ANK3: variants seen among roughly 807,000 people sequenced by gnomAD.
ANK3 encodes the protein ankyrin-3.
ANK3 carries 57 observed loss-of-function variants against 370.9 expected under a neutral mutation model. That is an observed-to-expected ratio of 0.15 (90% confidence interval 0.12 to 0.19). The LOEUF is 0.19. ANK3 is among the 10% of genes least tolerant of loss of function. ANK3 has a pLI of 1.00. For synonymous variants in ANK3, 1,929 were observed against 1,946.3 expected (o/e 0.99, Z 0.23); for missense variants, 4,439 against 5,302.1 (o/e 0.84, Z 5.06).
chr10:60,090,324 A>AG (rs2087938952), intron 28 of ANK3, among the ~76,000 whole-genome samples: 1 of 152,182 alleles, frequency 6.6e-6, no homozygotes, highest in African/African-American at 2.4e-5. Context: ...TTCCAAAAAA[A>AG]AAATTAAAAT....
chr10:60,442,614 A>G (rs1427585497), intron 2 of ANK3, among the ~76,000 whole-genome samples: 1 of 152,228 alleles, frequency 6.6e-6, no homozygotes, highest in Non-Finnish European at 1.5e-5. Flanking sequence ...TACAAAAGGC[A>G]GACTGTACTT....
Position 60,431,381 on chromosome 10 carries a change from C to T in ANK3, c.97-151742G>A, listed in dbSNP as rs111713984. On this transcript the variant is annotated intron_variant, in intron 2 of 43. Transcript: ENST00000373827. Reference sequence around the variant, plus strand: ...ATGCCGCTGCTGATCTGACAGGAGGCGGAGCTCAGGTGGTAATGTTAGCCA... The same window carrying T: ...ATGCCGCTGCTGATCTGACAGGAGGTGGAGCTCAGGTGGTAATGTTAGCCA... 6.1e-3 allele frequency among the ~76,000 whole-genome samples: 929 copies of T among 152,152 alleles called. 13 individuals are homozygous for T. The highest frequency in any genetic ancestry group is 0.02 in the African/African-American group (844 of 41,488).
intron 38 of ANK3, among the ~76,000 whole-genome samples, chr10:60,065,419 A>G (rs145789268): frequency 6.6e-6 from 1 of 152,332 alleles, no homozygotes; most frequent in East Asian, 1.9e-4. Context: ...ATCCCATGGA[A>G]AAGGAATTGG....
At chr10:60,478,114 G>A (rs918436763) in intron 2 of ANK3, among the ~76,000 whole-genome samples, 1 of 152,058 alleles carries the variant, frequency 6.6e-6, no homozygotes, top group South Asian at 2.1e-4. Context: ...TCAAAGAGAT[G>A]AATTTCTTTC....
At position 60,203,210 on chromosome 10, in the gene ANK3, G is replaced by A. The variant is rs560067989; in HGVS notation, c.1294-110C>T. The A allele has an allele frequency of 2.1e-4, 134 of 650,708 alleles. 1 individual carries two copies. The highest frequency in any genetic ancestry group is 2.0e-3 in the African/African-American group (111 of 55,112). 40.3% of individuals were successfully genotyped at this position (650,708 alleles called of 1,614,324 possible). On this transcript the variant is annotated intron_variant, in intron 11 of 43. Transcript: ENST00000280772. ...ACCCATCTAAATCAGTTTAATGATC[G>A]GATTAGAAGACATCAGGACATTCAC...
chr10:60,204,553 A>T (rs1489929076), intron 11 of ANK3, among the ~76,000 whole-genome samples: 1 of 152,242 alleles, frequency 6.6e-6, no homozygotes, highest in Non-Finnish European at 1.5e-5. Flanking sequence ...CAAATATTCC[A>T]TTTGCAGGCA....
At chr10:60,532,274 G>A (rs1938541) in intron 2 of ANK3, among the ~76,000 whole-genome samples, 88,488 of 151,872 alleles carry the variant, frequency 0.58, 26,236 homozygotes, top group East Asian at 0.79. Context: ...TTGTGCAGCC[G>A]ACCAAATTTT....
chr10:60,427,895 GAGA>G (rs1483157744), intron 2 of ANK3, among the ~76,000 whole-genome samples: 1 of 152,126 alleles, frequency 6.6e-6, no homozygotes, highest in African/African-American at 2.4e-5. Context: ...TCAAGTATCT[GAGA>G]AGGACACATT....
intron 2 of ANK3, among the ~76,000 whole-genome samples, chr10:60,481,926 A>G (rs887115455): frequency 6.6e-6 from 1 of 151,888 alleles, no homozygotes; most frequent in African/African-American, 2.4e-5. Flanking sequence ...TACAGTACAC[A>G]CTCCCTGAGC....
chr10:60,633,880 G>A (rs1458633847), intron 1 of ANK3, among the ~76,000 whole-genome samples: 1 of 152,110 alleles, frequency 6.6e-6, no homozygotes, highest in African/African-American at 2.4e-5. Flanking sequence ...ATCTGCTGTT[G>A]TTTTTGCCTA....
chr10:60,673,405 C>A (rs993264998), intron 1 of ANK3, among the ~76,000 whole-genome samples: 31 of 151,970 alleles, frequency 2.0e-4, no homozygotes, highest in African/African-American at 7.3e-4. Context: ...GGTTGGAGTG[C>A]AATGGTGCAA....
chr10:60,058,240 C>T (rs1353022717), intron 41 of ANK3, among the ~76,000 whole-genome samples: 1 of 152,150 alleles, frequency 6.6e-6, no homozygotes, highest in African/African-American at 2.4e-5. Flanking sequence ...CTTAGAGATT[C>T]ATCCCAAATC....
chr10:60,331,578 A>C (rs1010859407), intron 1 of ANK3, among the ~76,000 whole-genome samples: 1 of 151,860 alleles, frequency 6.6e-6, no homozygotes, highest in Admixed American at 6.6e-5. Context: ...AATTAAAAAA[A>C]AAAAAAAAAC....
At chr10:60,708,545 A>AG (rs1354330914) in intron 1 of ANK3, among the ~76,000 whole-genome samples, 5 of 152,200 alleles carry the variant, frequency 3.3e-5, no homozygotes, top group Non-Finnish European at 5.9e-5. Flanking sequence ...CAGCAGGGGA[A>AG]GGGGAAAAGC....
chr10:60,337,158 G>T (rs72822297), intron 1 of ANK3, among the ~76,000 whole-genome samples: 1 of 152,112 alleles, frequency 6.6e-6, no homozygotes, highest in Non-Finnish European at 1.5e-5. Flanking sequence ...GTTGGACTTC[G>T]CTTTGGTTAT....
intron 1 of ANK3, among the ~76,000 whole-genome samples, chr10:60,683,074 C>G (rs60991037): frequency 1.3e-5 from 2 of 152,034 alleles, no homozygotes; most frequent in Non-Finnish European, 2.9e-5. Flanking sequence ...TTGAAGGACA[C>G]CAGCTGGTGT....
intron 2 of ANK3, among the ~76,000 whole-genome samples, chr10:60,506,149 A>C (rs1356693159): frequency 6.6e-6 from 1 of 152,146 alleles, no homozygotes; most frequent in Non-Finnish European, 1.5e-5. Flanking sequence ...CTGATGCAGG[A>C]AAATATGCAA....
At chr10:60,431,713 G>C (rs2064029196) in intron 2 of ANK3, among the ~76,000 whole-genome samples, 2 of 151,846 alleles carry the variant, frequency 1.3e-5, no homozygotes, top group African/African-American at 4.8e-5. Flanking sequence ...CGGGTGGGAG[G>C]GTGCAGCAAA....
intron 1 of ANK3, among the ~76,000 whole-genome samples, chr10:60,712,667 T>C (rs531883284): frequency 7.2e-5 from 11 of 152,222 alleles, no homozygotes; most frequent in Admixed American, 7.2e-4. Context: ...CAGAGACTGT[T>C]AGAATGAATT....
Sources: allele counts gnomAD v4.1 joint callset (sites outside exome capture counted in the v4.1 genomes callset), GRCh38; gene constraint gnomAD v4.1.1; transcripts MANE v1.5; gene names NCBI Gene and HGNC (gene_info 2026-07-23, HGNC 2026-07-21).